The following SPIDR variants were observed in gnomAD, a reference collection of about 807,000 sequenced individuals.
SPIDR encodes the protein DNA repair-scaffolding protein.
Under a neutral mutation model 104.6 loss-of-function variants are expected in SPIDR, and 93 were observed. The observed-to-expected ratio is 0.89, with a 90% CI of 0.75 to 1.06. The LOEUF is 1.06. SPIDR is among the 50% of genes least tolerant of loss of function. The pLI is 0.00. For missense variants in SPIDR, 1,154 were observed against 1,111.2 expected (o/e 1.04, Z -0.55); for synonymous variants, 431 against 416.9 (o/e 1.03, Z -0.41).
chr8:47,298,113 G>C (rs2041250856), intron 5 of SPIDR, among the ~76,000 whole-genome samples: 1 of 152,154 alleles, frequency 6.6e-6, no homozygotes, highest in Admixed American at 6.5e-5. Flanking sequence ...ATCCTCTCCA[G>C]TACCTGTTGT....
chr8:47,486,209 CAAGCTTCAGAAGCCTATTTGATCAACTGA>C (rs1267347933), intron 8 of SPIDR, among the ~76,000 whole-genome samples: 1 of 152,172 alleles, frequency 6.6e-6, no homozygotes, highest in African/African-American at 2.4e-5. Context: ...GACAAATGCA[CAAGCTTCAGAAGCCTATTTGATCAACTGA>C]AAGAAAAGGT....
intron 6 of SPIDR, among the ~76,000 whole-genome samples, chr8:47,407,490 C>T (rs367990945): frequency 5.9e-5 from 9 of 152,288 alleles, no homozygotes; most frequent in African/African-American, 1.2e-4. Flanking sequence ...TGGTACCTAA[C>T]GAAGTGCTAG....
chr8:47,309,218 T>C (rs1203746522), intron 5 of SPIDR, among the ~76,000 whole-genome samples: 4 of 152,346 alleles, frequency 2.6e-5, no homozygotes, highest in African/African-American at 9.6e-5. Context: ...GTCAAGCTTT[T>C]TGTATGATTA....
chr8:47,674,254 A>G (rs1285626819), intron 11 of SPIDR, among the ~76,000 whole-genome samples: 1 of 152,220 alleles, frequency 6.6e-6, no homozygotes, highest in Non-Finnish European at 1.5e-5. Context: ...ACAATAAAGC[A>G]TCTTTGGGTG....
chr8:47,569,836 G>C (rs2058312289), intron 8 of SPIDR, among the ~76,000 whole-genome samples: 2 of 152,096 alleles, frequency 1.3e-5, no homozygotes, highest in Non-Finnish European at 1.5e-5. Context: ...CTGTATTTCT[G>C]TACAATGCAA....
At position 47,391,411 on chromosome 8, in the gene SPIDR, A is replaced by G. The variant is rs528731337; in HGVS notation, c.526-4965A>G. 9.0e-4 allele frequency among the ~76,000 whole-genome samples: 137 copies of G among 152,092 alleles called. 1 individual carries two copies. Among genetic ancestry groups the G allele is most frequent in the African/African-American group, 3.2e-3 (133 of 41,460 alleles). ...TAAAAATAGCCAGGTATGGTGGCAC[A>G]CATCTGTAGCTTCAGCTACTTGAGA... On this transcript the variant is annotated intron_variant, in intron 5 of 19. Transcript: ENST00000297423.
intron 10 of SPIDR, among the ~76,000 whole-genome samples, chr8:47,602,334 C>G (rs1210259682): frequency 6.6e-6 from 1 of 152,230 alleles, no homozygotes; most frequent in African/African-American, 2.4e-5. Flanking sequence ...AAAGGCAGCT[C>G]TAAGTCTGGT....
At chr8:47,498,427 G>A (rs1239498064) in intron 8 of SPIDR, among the ~76,000 whole-genome samples, 1 of 152,076 alleles carries the variant, frequency 6.6e-6, no homozygotes, top group African/African-American at 2.4e-5. Flanking sequence ...AAGCAACCCA[G>A]AACATTATTG....
intron 11 of SPIDR, among the ~76,000 whole-genome samples, chr8:47,690,716 C>T (rs2078520001): frequency 1.3e-5 from 2 of 151,952 alleles, no homozygotes; most frequent in Admixed American, 6.6e-5. Flanking sequence ...CTGCTTTGGA[C>T]GCTGAGGCAG....
chr8:47,721,687 G>A (rs1488363145), intron 16 of SPIDR, among the ~76,000 whole-genome samples: 1 of 152,048 alleles, frequency 6.6e-6, no homozygotes, highest in Non-Finnish European at 1.5e-5. Flanking sequence ...ATGTTAGCCA[G>A]GTTGGTCTCA....
intron 16 of SPIDR, among the ~76,000 whole-genome samples, chr8:47,716,924 A>T (rs1563648429): frequency 6.6e-6 from 1 of 152,126 alleles, no homozygotes; most frequent in Admixed American, 6.6e-5. Context: ...ATATGGTCAG[A>T]TTTTTTAATG....
intron 5 of SPIDR, among the ~76,000 whole-genome samples, chr8:47,314,698 A>T (rs200756881): frequency 2.6e-5 from 4 of 152,202 alleles, no homozygotes; most frequent in Non-Finnish European, 5.9e-5. Flanking sequence ...GATTATGGGA[A>T]CTACAATTCA....
rs1256895583 is a variant in SPIDR, at chr8:47,588,080, T to C, written c.1098-7731T>C. 7.0e-3 allele frequency among the ~76,000 whole-genome samples: 625 copies of C among 89,866 alleles called. 32 individuals are homozygous for C. Among genetic ancestry groups the C allele is most frequent in the African/African-American group, 0.03 (583 of 19,726 alleles). The allele number at this position is 89,866 out of a possible 152,430, so 59.0% of individuals were successfully genotyped here. A position where few individuals can be genotyped will look rare whatever the true frequency, so the allele number is the denominator to read the frequency against. On this transcript the variant is annotated intron_variant, in intron 8 of 19. Transcript: ENST00000297423. ...ATATATATATATATATATATATATA[T>C]ATATATACACGTATGTATCTGCAAA...
chr8:47,423,906 G>T (rs2065988167), intron 7 of SPIDR, among the ~76,000 whole-genome samples: 1 of 152,160 alleles, frequency 6.6e-6, no homozygotes, highest in African/African-American at 2.4e-5. Context: ...TTCCAACATT[G>T]CTTTGCTCAT....
At chr8:47,731,025 A>C (rs1378184918) in intron 19 of SPIDR, among the ~76,000 whole-genome samples, 1 of 152,154 alleles carries the variant, frequency 6.6e-6, no homozygotes, top group Non-Finnish European at 1.5e-5. Context: ...TGAGAGGCCG[A>C]GGCGGGCGGA....
intron 8 of SPIDR, among the ~76,000 whole-genome samples, chr8:47,530,811 T>C (rs2154384305): frequency 6.6e-6 from 1 of 152,320 alleles, no homozygotes; most frequent in Admixed American, 6.5e-5. Context: ...TTTTATCCTT[T>C]TGTAGTAACA....
At chr8:47,510,864 A>G (rs75287521) in intron 8 of SPIDR, among the ~76,000 whole-genome samples, 3,963 of 152,310 alleles carry the variant, frequency 0.026, 180 homozygotes, top group African/African-American at 0.089. Flanking sequence ...AGGAAATACA[A>G]CTAAGGAGAA....
chr8:47,322,407 A>T (rs762165266), intron 5 of SPIDR, among the ~76,000 whole-genome samples: 7 of 152,248 alleles, frequency 4.6e-5, no homozygotes, highest in Non-Finnish European at 2.9e-5. Flanking sequence ...CACACCAGTT[A>T]GAATGGCAGT....
chr8:47,433,210 T>C lies in SPIDR; in HGVS notation c.878-7113T>C, dbSNP rs562199823. Among the ~76,000 whole-genome samples, 18 of 152,284 alleles carry C rather than the reference T, an allele frequency of 1.2e-4. No individual in the cohort carries two copies. In the South Asian group the frequency reaches 1.2e-3, roughly 11 times the overall value. ...TCAAAGAATATCTAGAATCTGAGCA[T>C]TTCTTACCTCTCCTGTCACTCCCTA... On this transcript the variant is annotated intron_variant, in intron 7 of 19. Transcript: ENST00000297423.
Sources: allele counts gnomAD v4.1 joint callset (sites outside exome capture counted in the v4.1 genomes callset), GRCh38; gene constraint gnomAD v4.1.1; transcripts MANE v1.5; gene names NCBI Gene and HGNC (gene_info 2026-07-23, HGNC 2026-07-21).